Variants in CARS2 observed in about 807,000 individuals in gnomAD.
CARS2 encodes cysteinyl-tRNA synthetase 2, mitochondrial.
Under a neutral mutation model 68.8 loss-of-function variants are expected in CARS2, and 52 were observed. The ratio of observed to expected loss-of-function variants is 0.76; its 90% confidence interval spans 0.61 to 0.95. CARS2 has a LOEUF of 0.95. Ranked by LOEUF, CARS2 falls within the 40% of genes least tolerant of loss-of-function variation. CARS2 has a pLI of 0.00. For synonymous variants in CARS2, 314 were observed against 303.6 expected, an observed-to-expected ratio of 1.03 and a Z score of -0.36; for missense variants, 780 against 754.2, an observed-to-expected ratio of 1.03 and a Z score of -0.40.
chr13:110,685,864 A>C (rs962749742), intron 5 of CARS2, among the ~76,000 whole-genome samples: 5 of 152,078 alleles, frequency 3.3e-5, no homozygotes, highest in Non-Finnish European at 7.4e-5. Flanking sequence ...TCCACCAGAC[A>C]AAGATTAGCA....
At chr13:110,690,690 C>T (rs2063433740) in intron 3 of CARS2, among the ~76,000 whole-genome samples, 1 of 152,200 alleles carries the variant, frequency 6.6e-6, no homozygotes. Context: ...GAGCTACACT[C>T]GTAGGCAGGA....
chr13:110,687,751 C>T lies in CARS2; in HGVS notation c.541G>A (p.Ala181Thr). 2.5e-6 allele frequency: 4 copies of T among 1,610,954 alleles called. No homozygotes were observed. Among genetic ancestry groups the T allele is most frequent in the Non-Finnish European group, 3.4e-6 (4 of 1,178,584 alleles). Residue 181 changes from alanine (A) to threonine (T), a missense_variant, in exon 5 of 15, where the codon GCT becomes ACT. By Grantham distance (58) the Ala-to-Thr change is moderately conservative (BLOSUM62 0). Coordinates refer to ENST00000257347, the MANE Select transcript of CARS2 (RefSeq NM_024537.4). ...GCCGTTGAATAAGCGTTCCCACGAG[C>T]AATGATTCCTTCAATGAAAGAAATT... ...QIISFIEGII[A>T]RGNAYSTAKG... is the part of the protein sequence containing the mutation.
intron 3 of CARS2, among the ~76,000 whole-genome samples, chr13:110,695,268 G>A (rs979885474): frequency 2.0e-5 from 3 of 152,092 alleles, no homozygotes; most frequent in Non-Finnish European, 4.4e-5. Flanking sequence ...GTAACAGAGT[G>A]AGACCCTATC....
At chr13:110,685,186 T>TA (rs1243427830) in intron 5 of CARS2, among the ~76,000 whole-genome samples, 2 of 152,020 alleles carry the variant, frequency 1.3e-5, no homozygotes, top group African/African-American at 4.8e-5. Context: ...CTAAGTCCTT[T>TA]AAAAAAAGTT....
intron 6 of CARS2, among the ~76,000 whole-genome samples, chr13:110,677,551 CCGCCACGGAAACCCAGACAG>C: frequency 9.0e-6 from 1 of 111,232 alleles, no homozygotes; most frequent in Non-Finnish European, 1.9e-5. Flanking sequence ...GACAGCCACC[CCGCCACGGAAACCCAGACAG>C]TCACCCCCAC....
chr13:110,701,979 A>G (rs941375094), intron 2 of CARS2, among the ~76,000 whole-genome samples: 1 of 152,246 alleles, frequency 6.6e-6, no homozygotes, highest in Non-Finnish European at 1.5e-5. Context: ...GTACGATCCC[A>G]TTAAAGCCAT....
intron 6 of CARS2, among the ~76,000 whole-genome samples, chr13:110,677,462 A>G (rs1174656833): frequency 1.4e-5 from 2 of 145,524 alleles, no homozygotes; most frequent in African/African-American, 5.3e-5. Context: ...CCCACCACGG[A>G]CACGCAGACA....
chr13:110,691,060 C>T (rs9588241), intron 3 of CARS2, among the ~76,000 whole-genome samples: 5,009 of 152,150 alleles, frequency 0.033, 295 homozygotes, highest in African/African-American at 0.11. Flanking sequence ...TTGTTGTCCA[C>T]GCTGGAGTGC....
chr13:110,676,874 C>T lies in CARS2; in HGVS notation c.785+100G>A, dbSNP rs927927656. 21 of 1,376,396 alleles carry T rather than the reference C, an allele frequency of 1.5e-5. No homozygotes were observed. Among genetic ancestry groups the T allele is most frequent in the Admixed American group, 2.7e-5 (1 of 37,326 alleles). The allele number at this position is 1,376,396 out of a possible 1,614,324, so 85.3% of individuals were successfully genotyped here. A position where few individuals can be genotyped will look rare whatever the true frequency, so the allele number is the denominator to read the frequency against. ...TCCCAAAAAATCACCCATGGGCACA[C>T]GTGCCAGGCTGCACCTGCTCCCATG... is the stretch of plus-strand genomic sequence containing the variant. On this transcript the variant is annotated intron_variant, in intron 7 of 14. Coordinates refer to ENST00000257347, the MANE Select transcript of CARS2 (RefSeq NM_024537.4). The surrounding 1 kb of genome is among the most constrained non-coding windows in gnomAD (Gnocchi z 4.0).
At chr13:110,663,630 G>T in intron 8 of CARS2, 112 bp from the exon 9 acceptor site, 1 of 1,498,832 alleles carries the variant, frequency 6.7e-7, no homozygotes, top group South Asian at 1.4e-5. Context: ...CCAATGTATA[G>T]ACCAGTGTAT....
intron 6 of CARS2, among the ~76,000 whole-genome samples, chr13:110,681,861 C>G (rs2063165941): frequency 6.6e-6 from 1 of 152,138 alleles, no homozygotes; most frequent in South Asian, 2.1e-4. Context: ...ATATGACATT[C>G]TAGAAAAGGC....
intron 3 of CARS2, among the ~76,000 whole-genome samples, chr13:110,700,138 A>T (rs2063741474): frequency 6.6e-6 from 1 of 152,198 alleles, no homozygotes; most frequent in South Asian, 2.1e-4. Flanking sequence ...CTTCTGCAAG[A>T]TGGGGACACA....
At chr13:110,645,773 G>T in intron 12 of CARS2, 194 bp downstream of exon 12, 1 of 642,168 alleles carries the variant, frequency 1.6e-6, no homozygotes, top group Non-Finnish European at 2.5e-6. Flanking sequence ...CCTGAGGCCC[G>T]GGAGGGTCAA....
chr13:110,666,618 C>T (rs1371073058), intron 8 of CARS2: 2 of 985,300 alleles, frequency 2.0e-6, no homozygotes, highest in Non-Finnish European at 2.4e-6. Flanking sequence ...AGCACTTCTG[C>T]ACTTAATGTC....
At chr13:110,644,627 T>TGTGTGTC in intron 12 of CARS2, 144 bp from the exon 13 acceptor site, 1 of 1,409,220 alleles carries the variant, frequency 7.1e-7, no homozygotes, top group Non-Finnish European at 9.4e-7. Context: ...AGGACACAGC[T>TGTGTGTC]CTGGCATCGG....
At chr13:110,663,190 G>A (rs2062555487) in intron 9 of CARS2, 3 of 575,452 alleles carry the variant, frequency 5.2e-6, no homozygotes, top group Non-Finnish European at 6.3e-6. Flanking sequence ...GGAAGAGGGC[G>A]CCGGCCTTGA....
chr13:110,675,103 G>T (rs1307506766), intron 7 of CARS2, among the ~76,000 whole-genome samples: 1 of 152,138 alleles, frequency 6.6e-6, no homozygotes, highest in East Asian at 1.9e-4. Context: ...CTTTTACACT[G>T]TTGGTGGGAC....
intron 3 of CARS2, among the ~76,000 whole-genome samples, chr13:110,699,173 T>C (rs770427799): frequency 2.0e-5 from 3 of 152,182 alleles, no homozygotes; most frequent in East Asian, 3.9e-4. Flanking sequence ...GCCTCCAGCA[T>C]AGTGAGCAAA....
In CARS2 at chr13:110,642,312, C is replaced by T. The variant is rs554100218; in HGVS notation, c.1623+3G>A. 2.8e-5 allele frequency: 43 copies of T among 1,548,126 alleles called. No individual in the cohort carries two copies. Among genetic ancestry groups the T allele is most frequent in the South Asian group, 2.5e-4 (21 of 83,942 alleles). ...ATGTCCCTGACCTTGGTGCGGCACT[C>T]ACCTTGATGTTGATGCCGTGGGCAG... On this transcript the variant is annotated splice_donor_region_variant and intron_variant, in intron 14 of 14. Transcript: ENST00000257347.
Sources: allele counts gnomAD v4.1 joint callset (sites outside exome capture counted in the v4.1 genomes callset), GRCh38; gene constraint gnomAD v4.1.1; non-coding constraint Gnocchi (gnomAD v3.1); transcripts MANE v1.5; gene names NCBI Gene and HGNC (gene_info 2026-07-23, HGNC 2026-07-21).